Variants in SYT2 observed in about 807,000 individuals in gnomAD.
The protein encoded by SYT2 is synaptotagmin-2.
SYT2 carries 15 observed loss-of-function variants against 39.9 expected under a neutral mutation model. The ratio of observed to expected loss-of-function variants is 0.38; its 90% confidence interval spans 0.25 to 0.58. The LOEUF is 0.58. Ranked by LOEUF, SYT2 falls within the 20% of genes least tolerant of loss-of-function variation. The pLI is 0.70. For synonymous variants in SYT2, 181 were observed against 204.5 expected, an observed-to-expected ratio of 0.89 and a Z score of 0.98; for missense variants, 389 against 530.3, an observed-to-expected ratio of 0.73 and a Z score of 2.62.
intron 1 of SYT2, among the ~76,000 whole-genome samples, chr1:202,657,509 G>T (rs1320759358): frequency 6.6e-6 from 1 of 152,186 alleles, no homozygotes; most frequent in African/African-American, 2.4e-5. Flanking sequence ...GAGAAGTCAG[G>T]GAGGGAGCAG....
At chr1:202,635,382 G>T (rs1281191051) in intron 1 of SYT2, among the ~76,000 whole-genome samples, 1 of 152,210 alleles carries the variant, frequency 6.6e-6, no homozygotes, top group Non-Finnish European at 1.5e-5. Context: ...ATGTTGAGGG[G>T]GATTTGATGT....
rs1450342909 is a variant in SYT2 at position 202,596,434 on chromosome 1, T to G, written c.*323A>C. 3.9e-6 allele frequency: 1 copy of G among 257,938 alleles called. No homozygotes were observed. Among genetic ancestry groups the G allele is most frequent in the Non-Finnish European group, 7.4e-6 (1 of 134,374 alleles). The allele number at this position is 257,938 out of a possible 1,614,324, so 16.0% of individuals were successfully genotyped here. ...CAAAAAACAGGAACTGCTGCAAGTTTGTGCCAGTAGAGAGCCTCGCTTGGG... is the reference window on the plus strand; with the variant it reads ...CAAAAAACAGGAACTGCTGCAAGTTGGTGCCAGTAGAGAGCCTCGCTTGGG... On this transcript the variant is annotated 3_prime_UTR_variant, in exon 9 of 9. Transcript: ENST00000367268.
At chr1:202,683,952 C>T (rs1176860568) in intron 1 of SYT2, among the ~76,000 whole-genome samples, 1 of 151,968 alleles carries the variant, frequency 6.6e-6, no homozygotes, top group African/African-American at 2.4e-5. Flanking sequence ...ATTCATCCAA[C>T]TATCAACACT....
rs1690965481 is a variant in SYT2 at position 202,614,232 on chromosome 1, G to A, written c.-17-8443C>T. On this transcript the variant is annotated intron_variant, in intron 1 of 8. Transcript: ENST00000367268. The surrounding 1 kb of genome is among the most constrained non-coding windows in gnomAD (Gnocchi z 4.0). The stretch of plus-strand genomic sequence containing the variant: ...GGGAATCTGCAGGCCAGGAATGAAG[G>A]GGGAGAACTGCATCTCAGGAGTGTT... Among the ~76,000 whole-genome samples the A allele has an allele frequency of 6.6e-6, 1 of 152,226 alleles. No homozygotes were observed. The highest frequency in any genetic ancestry group is 1.5e-5 in the Non-Finnish European group (1 of 68,040).
rs1309455494 is a variant in SYT2, at chr1:202,599,450, G to A, written c.920-99C>T. The stretch of plus-strand genomic sequence containing the variant: ...TGCCCAGAGCATCGGTCAAGAGGGG[G>A]TCTTCACTCCGCTGAGACCAGGCCC... On this transcript the variant is annotated intron_variant, in intron 7 of 8. Coordinates refer to ENST00000367268, the MANE Select transcript of SYT2 (RefSeq NM_177402.5). The surrounding 1 kb of genome is among the most constrained non-coding windows in gnomAD (Gnocchi z 4.4). The A allele has an allele frequency of 1.5e-6, 2 of 1,364,044 alleles. No individual in the cohort carries two copies. Among genetic ancestry groups the A allele is most frequent in the Non-Finnish European group, 2.0e-6 (2 of 1,017,288 alleles). The allele number at this position is 1,364,044 out of a possible 1,614,324, so 84.5% of individuals were successfully genotyped here.
At chr1:202,686,967 C>T (rs4950788) in intron 1 of SYT2, among the ~76,000 whole-genome samples, 46,145 of 151,806 alleles carry the variant, frequency 0.3, 7,187 homozygotes, top group South Asian at 0.41. Flanking sequence ...TTCCCTTGGG[C>T]GGACCTGACA....
chr1:202,627,564 A>G (rs571393646), intron 1 of SYT2: 3 of 985,202 alleles, frequency 3.0e-6, no homozygotes, highest in Non-Finnish European at 3.6e-6. Context: ...AGGCAGGCCC[A>G]TGGCTCCCCA....
At chr1:202,654,378 G>A (rs1341768734) in intron 1 of SYT2, among the ~76,000 whole-genome samples, 1 of 152,148 alleles carries the variant, frequency 6.6e-6, no homozygotes, top group Non-Finnish European at 1.5e-5. Context: ...TCCACTTGCA[G>A]CACCTACACT....
At chr1:202,626,083 C>G (rs1343679606) in intron 1 of SYT2, among the ~76,000 whole-genome samples, 1 of 152,104 alleles carries the variant, frequency 6.6e-6, no homozygotes, top group Non-Finnish European at 1.5e-5. Flanking sequence ...GTGAGAAGCT[C>G]CAGGGAAGGG....
rs774208529 is a variant in SYT2 at position 202,602,010 on chromosome 1, A to G, written c.681T>C (p.Tyr227=). The change falls in exon 6 of 9, where the codon TAT becomes TAC. Residue 227 remains tyrosine (Y), a synonymous_variant. Transcript: ENST00000367268. ...CATGTTTGGAGAAGCGGTCAAAGTC[A>G]TAGATGGCCATCACCAGAGTTTTGC... ...LGGKTLVMAI[Y]DFDRFSKHDI... The G allele has an allele frequency of 2.2e-5, 36 of 1,614,060 alleles. No homozygotes were observed. The highest frequency in any genetic ancestry group is 3.0e-5 in the Non-Finnish European group (35 of 1,180,028).
At chr1:202,690,274 C>T (rs1653785378) in intron 1 of SYT2, among the ~76,000 whole-genome samples, 1 of 152,152 alleles carries the variant, frequency 6.6e-6, no homozygotes, top group Non-Finnish European at 1.5e-5. Flanking sequence ...GAGCCTGGGA[C>T]ATAGGAACCT....
At chr1:202,619,813 G>A (rs551990858) in intron 1 of SYT2, among the ~76,000 whole-genome samples, 2 of 152,352 alleles carry the variant, frequency 1.3e-5, no homozygotes, top group African/African-American at 4.8e-5. Context: ...GGAGGACATT[G>A]GTGGCAACAA....
At chr1:202,637,489 A>C (rs965493640) in intron 1 of SYT2, among the ~76,000 whole-genome samples, 20 of 152,202 alleles carry the variant, frequency 1.3e-4, no homozygotes, top group African/African-American at 4.3e-4. Context: ...CCCAGGCGCC[A>C]TGTGCTGGGG....
chr1:202,626,564 A>G (rs1406888211), intron 1 of SYT2, among the ~76,000 whole-genome samples: 1 of 151,740 alleles, frequency 6.6e-6, no homozygotes, highest in African/African-American at 2.4e-5. Flanking sequence ...AAGGGGTCTC[A>G]CTATGTTGCC....
chr1:202,632,622 T>C, intron 1 of SYT2: 1 of 983,536 alleles, frequency 1.0e-6, no homozygotes, highest in Non-Finnish European at 1.2e-6. Flanking sequence ...GCTCGACTCT[T>C]CTCCAAGCAG....
intron 5 of SYT2, 142 bp from the exon 6 acceptor site, chr1:202,602,199 G>T: frequency 1.5e-6 from 1 of 669,570 alleles, no homozygotes; most frequent in Non-Finnish European, 2.4e-6. Context: ...TTGGGGAGCA[G>T]AGTGTGAGGG....
chr1:202,681,225 G>T (rs956658655), intron 1 of SYT2, among the ~76,000 whole-genome samples: 3 of 151,954 alleles, frequency 2.0e-5, no homozygotes, highest in Admixed American at 1.3e-4. Context: ...CCTAGGAGCC[G>T]CCCCTCCCAC....
intron 1 of SYT2, among the ~76,000 whole-genome samples, chr1:202,690,031 T>G (rs1653778051): frequency 6.6e-6 from 1 of 152,126 alleles, no homozygotes; most frequent in Non-Finnish European, 1.5e-5. Context: ...GATCCATTAG[T>G]CACCATCAAT....
intron 1 of SYT2, among the ~76,000 whole-genome samples, chr1:202,624,136 G>A (rs1691278087): frequency 6.6e-6 from 1 of 152,162 alleles, no homozygotes; most frequent in African/African-American, 2.4e-5. Flanking sequence ...GTGGTGGTGT[G>A]TGTGTGATGT....
Sources: gnomAD v4.1 joint callset for allele counts (sites outside exome capture counted in the v4.1 genomes callset) on GRCh38, gnomAD v4.1.1 for gene constraint, Gnocchi (gnomAD v3.1) non-coding constraint, MANE v1.5 for transcripts, NCBI Gene and HGNC (gene_info 2026-07-23, HGNC 2026-07-21) for gene names.